Variants in PPP3CA observed in about 807,000 individuals in gnomAD.
PPP3CA encodes the protein protein phosphatase 3 catalytic subunit alpha.
Under a neutral mutation model 66.5 loss-of-function variants are expected in PPP3CA, and 14 were observed. The ratio of observed to expected loss-of-function variants is 0.21; its 90% CI spans 0.14 to 0.33. PPP3CA has a LOEUF of 0.33. PPP3CA is among the 10% of genes least tolerant of loss of function. The pLI, the probability that PPP3CA is intolerant of heterozygous loss-of-function variation, is 1.00. For synonymous variants in PPP3CA, 232 were observed against 226.2 expected (o/e 1.03, Z -0.23); for missense variants, 317 against 639.5 (o/e 0.50, Z 5.44).
In PPP3CA at chr4:101,189,940, C is replaced by A. The variant is rs141364194; in HGVS notation, c.259+5976G>T. Among the ~76,000 whole-genome samples, 1,339 of 151,936 alleles carry A rather than the reference C, an allele frequency of 8.8e-3. 24 individuals are homozygous for A. The highest frequency in any genetic ancestry group is 0.03 in the African/African-American group (1,262 of 41,424). On this transcript the variant is annotated intron_variant, in intron 2 of 13. Transcript: ENST00000394854. ...TGTTCATTATAGTCCATACATGTTA[C>A]TGACTCAGAAAGAGAATAAAATCAA... is the stretch of plus-strand genomic sequence containing the variant.
intron 1 of PPP3CA, among the ~76,000 whole-genome samples, chr4:101,203,174 T>C (rs1157948608): frequency 6.6e-6 from 1 of 152,214 alleles, no homozygotes; most frequent in Non-Finnish European, 1.5e-5. Flanking sequence ...CTACAAGCAA[T>C]TATTTAATAA....
intron 10 of PPP3CA, among the ~76,000 whole-genome samples, chr4:101,052,279 T>C (rs1728044551): frequency 6.6e-6 from 1 of 152,046 alleles, no homozygotes; most frequent in African/African-American, 2.4e-5. Flanking sequence ...AAAGCTTATT[T>C]GATAGTCAAG....
At chr4:101,044,564 T>C (rs1727676063) in intron 10 of PPP3CA, among the ~76,000 whole-genome samples, 1 of 152,240 alleles carries the variant, frequency 6.6e-6, no homozygotes, top group Non-Finnish European at 1.5e-5. Context: ...AAAGGTAGTA[T>C]TTCATATGTT....
At chr4:101,084,357 T>C (rs888517398) in intron 6 of PPP3CA, among the ~76,000 whole-genome samples, 1 of 152,082 alleles carries the variant, frequency 6.6e-6, no homozygotes, top group Non-Finnish European at 1.5e-5. Context: ...TAACATACAG[T>C]TGGCCGGGCA....
intron 6 of PPP3CA, among the ~76,000 whole-genome samples, chr4:101,084,921 T>C (rs1245290594): frequency 6.6e-6 from 1 of 152,176 alleles, no homozygotes; most frequent in Non-Finnish European, 1.5e-5. Flanking sequence ...CATGGAAACA[T>C]GCCCATCTGG....
chr4:101,088,961 A>G (rs1454573839), intron 6 of PPP3CA, among the ~76,000 whole-genome samples: 1 of 152,212 alleles, frequency 6.6e-6, no homozygotes, highest in Non-Finnish European at 1.5e-5. Context: ...TAAACAAAAA[A>G]CAAACAAAAA....
At chr4:101,142,156 G>A (rs1417579469) in intron 2 of PPP3CA, among the ~76,000 whole-genome samples, 10 of 152,014 alleles carry the variant, frequency 6.6e-5, no homozygotes, top group African/African-American at 2.4e-4. Context: ...AATTAGCATG[G>A]AAGCAAAGTA....
At chr4:101,206,064 G>T (rs1410779648) in intron 1 of PPP3CA, among the ~76,000 whole-genome samples, 1 of 152,100 alleles carries the variant, frequency 6.6e-6, no homozygotes, top group African/African-American at 2.4e-5. Flanking sequence ...AGGCCCTCTG[G>T]GTCTTTCCAC....
intron 1 of PPP3CA, among the ~76,000 whole-genome samples, chr4:101,251,068 T>A (rs887670180): frequency 6.6e-6 from 1 of 152,020 alleles, no homozygotes; most frequent in Non-Finnish European, 1.5e-5. Context: ...AAAGAAAATT[T>A]TCATGTTACA....
intron 6 of PPP3CA, 89 bp from the exon 7 acceptor site, chr4:101,083,352 G>T: frequency 8.8e-7 from 1 of 1,138,444 alleles, no homozygotes; most frequent in Non-Finnish European, 1.3e-6. Flanking sequence ...CTATGTGACT[G>T]GATCAAAGAT....
chr4:101,124,709 GAA>G (rs747798008), intron 2 of PPP3CA, among the ~76,000 whole-genome samples: 137 of 97,646 alleles, frequency 1.4e-3, no homozygotes, highest in South Asian at 5.0e-3. Flanking sequence ...AAGAAAGAAA[GAA>G]AGAAAGAAAG....
chr4:101,149,511 T>C (rs544203596), intron 2 of PPP3CA, among the ~76,000 whole-genome samples: 27 of 152,264 alleles, frequency 1.8e-4, no homozygotes, highest in African/African-American at 2.6e-4. Context: ...TAGAATAAGT[T>C]TGATATCAGA....
intron 1 of PPP3CA, among the ~76,000 whole-genome samples, chr4:101,208,689 AT>A (rs1444554903): frequency 3.3e-5 from 5 of 152,190 alleles, no homozygotes; most frequent in African/African-American, 1.2e-4. Flanking sequence ...ATTTTAAATA[AT>A]TTTAAAAGAT....
intron 3 of PPP3CA, among the ~76,000 whole-genome samples, chr4:101,105,824 C>T (rs17030760): frequency 0.14 from 21,478 of 152,036 alleles, 3,168 homozygotes; most frequent in African/African-American, 0.37. Flanking sequence ...ATTTCCAACG[C>T]AGCACAACAT....
intron 2 of PPP3CA, among the ~76,000 whole-genome samples, chr4:101,152,040 T>G (rs1389079916): frequency 2.0e-5 from 3 of 152,212 alleles, no homozygotes; most frequent in Non-Finnish European, 4.4e-5. Flanking sequence ...TCAACATAAC[T>G]AGAAGTATGG....
At chr4:101,128,766 C>G (rs1722330362) in intron 2 of PPP3CA, among the ~76,000 whole-genome samples, 1 of 152,126 alleles carries the variant, frequency 6.6e-6, no homozygotes, top group African/African-American at 2.4e-5. Context: ...CCAAGAGATT[C>G]CCTCGGGTGG....
intron 1 of PPP3CA, among the ~76,000 whole-genome samples, chr4:101,328,002 G>T (rs1729258409): frequency 6.6e-6 from 1 of 152,128 alleles, no homozygotes; most frequent in South Asian, 2.1e-4. Flanking sequence ...AGAAGAAAAA[G>T]AAAATATGAA....
At chr4:101,321,230 G>T (rs1321986331) in intron 1 of PPP3CA, among the ~76,000 whole-genome samples, 1 of 151,952 alleles carries the variant, frequency 6.6e-6, no homozygotes, top group Non-Finnish European at 1.5e-5. Context: ...GATCTACAGA[G>T]GTAAACATGT....
At chr4:101,050,325 T>A (rs993808062) in intron 10 of PPP3CA, among the ~76,000 whole-genome samples, 13 of 152,040 alleles carry the variant, frequency 8.6e-5, no homozygotes, top group African/African-American at 3.1e-4. Flanking sequence ...AGATCACAAA[T>A]ACTTGGCTTC....
Sources: allele counts gnomAD v4.1 joint callset (sites outside exome capture counted in the v4.1 genomes callset), GRCh38; gene constraint gnomAD v4.1.1; transcripts MANE v1.5; gene names NCBI Gene and HGNC (gene_info 2026-07-23, HGNC 2026-07-21).